FNBP4: variants seen among roughly 807,000 people sequenced by gnomAD.
The protein encoded by FNBP4 is formin-binding protein 4.
Under a neutral mutation model 119.3 loss-of-function variants are expected in FNBP4, and 34 were observed. That is an observed-to-expected ratio of 0.28 (90% confidence interval 0.22 to 0.38). FNBP4 has a LOEUF of 0.38. FNBP4 is among the 10% of genes least tolerant of loss of function. The pLI, the probability that FNBP4 is intolerant of heterozygous loss-of-function variation, is 1.00. For synonymous variants in FNBP4, 462 were observed against 430.6 expected (o/e 1.07, Z -0.90); for missense variants, 1,112 against 1,228.9 (o/e 0.90, Z 1.42).
intron 8 of FNBP4, 143 bp from the exon 9 acceptor site, chr11:47,736,883 A>T (rs969344638): frequency 1.2e-6 from 1 of 812,728 alleles, no homozygotes; most frequent in Admixed American, 3.0e-5. Flanking sequence ...AACTCTTCAA[A>T]CATGTCAGCC....
At chr11:47,734,369 T>C (rs1355394109) in intron 9 of FNBP4, among the ~76,000 whole-genome samples, 1 of 152,280 alleles carries the variant, frequency 6.6e-6, no homozygotes, top group Non-Finnish European at 1.5e-5. Context: ...TCACAATGCA[T>C]TTTAAAAATT....
chr11:47,765,486 G>T (rs2097645463), intron 1 of FNBP4, 124 bp from the exon 2 acceptor site: 2 of 553,678 alleles, frequency 3.6e-6, no homozygotes, highest in Admixed American at 7.2e-5. Flanking sequence ...TAACATTTCA[G>T]CTCTAGATTC....
At chr11:47,763,667 A>G (rs2097640838) in intron 2 of FNBP4, among the ~76,000 whole-genome samples, 2 of 151,628 alleles carry the variant, frequency 1.3e-5, no homozygotes, top group South Asian at 4.2e-4. Context: ...CGCCCAGCTA[A>G]TTTTCTGTAT....
At chr11:47,729,444 T>A in intron 12 of FNBP4, 1 of 985,302 alleles carries the variant, frequency 1.0e-6, no homozygotes, top group Non-Finnish European at 1.2e-6. Flanking sequence ...TGATTAAAAA[T>A]GACTTAGAAA....
At chr11:47,761,958 C>A (rs1399853655) in intron 2 of FNBP4, among the ~76,000 whole-genome samples, 1 of 151,654 alleles carries the variant, frequency 6.6e-6, no homozygotes, top group African/African-American at 2.4e-5. Context: ...CCTGCCTCAG[C>A]CTCCTAAGTA....
At chr11:47,742,762 C>T (rs1284420355) in intron 8 of FNBP4, among the ~76,000 whole-genome samples, 2 of 151,698 alleles carry the variant, frequency 1.3e-5, no homozygotes, top group South Asian at 2.1e-4. Context: ...TGGTGACGGG[C>T]GCCTGTAATC....
chr11:47,752,973 T>A lies in FNBP4; in HGVS notation c.580A>T (p.Thr194Ser), dbSNP rs377492740. 3.1e-6 allele frequency: 5 copies of A among 1,614,148 alleles called. No individual in the cohort carries two copies. The South Asian group carries it at 4.4e-5, about 14-fold the overall frequency. The change falls in exon 4 of 17, where the codon ACA becomes TCA. Residue 194 changes from threonine to serine, a missense_variant. Thr to Ser is a moderately conservative substitution (Grantham distance 58). This residue lies in a region of FNBP4 where 826 missense variants were observed against 988.8 expected (regional missense o/e 0.84). Coordinates refer to ENST00000263773, the MANE Select transcript of FNBP4 (RefSeq NM_015308.5). ...STLSSSTSNGTDSTQTSGWQY... is the reference protein window; with the variant it reads ...STLSSSTSNGSDSTQTSGWQY... ...CAACCAGATGTTTGGGTGGAGTCTGTTCCATTTGAAGTAGAAGAAGAAAGG... is the reference window on the plus strand; with the variant it reads ...CAACCAGATGTTTGGGTGGAGTCTGATCCATTTGAAGTAGAAGAAGAAAGG...
rs184342090 is a variant in FNBP4 at position 47,751,654 on chromosome 11, T to A, written c.638-364A>T. On this transcript the variant is annotated intron_variant, in intron 4 of 16. Transcript: ENST00000263773. ...TTAGAGTCACCTTTGAACACATTTT[T>A]TAAAAAAAAACAGTTTGGCCGGCTA... Among the ~76,000 whole-genome samples the A allele has an allele frequency of 1.1e-4, 17 of 151,964 alleles. No homozygotes were observed. The East Asian group carries it at 1.4e-3, about 12-fold the overall frequency.
chr11:47,731,057 G>A (rs2097566836), intron 12 of FNBP4, among the ~76,000 whole-genome samples: 1 of 152,152 alleles, frequency 6.6e-6, no homozygotes, highest in Non-Finnish European at 1.5e-5. Context: ...CAACTATCTA[G>A]TTCCTCAGCA....
chr11:47,727,607 G>A (rs2097562630), intron 12 of FNBP4, among the ~76,000 whole-genome samples: 1 of 151,936 alleles, frequency 6.6e-6, no homozygotes, highest in African/African-American at 2.4e-5. Flanking sequence ...CTCAAACTTT[G>A]TTATGAGGTC....
At chr11:47,728,004 G>A (rs1429195075) in intron 12 of FNBP4, among the ~76,000 whole-genome samples, 3 of 151,546 alleles carry the variant, frequency 2.0e-5, no homozygotes, top group East Asian at 3.9e-4. Context: ...TCAGCCTCCC[G>A]AGTAGCTAGG....
intron 12 of FNBP4, chr11:47,730,020 T>C (rs2097565609): frequency 3.1e-5 from 31 of 985,438 alleles, no homozygotes; most frequent in Non-Finnish European, 3.7e-5. Flanking sequence ...ATCAACTATG[T>C]GTGTCATAAA....
chr11:47,735,747 T>C (rs2135130146), intron 9 of FNBP4, among the ~76,000 whole-genome samples: 1 of 152,280 alleles, frequency 6.6e-6, no homozygotes, highest in African/African-American at 2.4e-5. Context: ...AGATTATTTT[T>C]ACTACTTGTT....
chr11:47,730,645 C>T (rs1223962099), intron 12 of FNBP4, among the ~76,000 whole-genome samples: 5 of 152,120 alleles, frequency 3.3e-5, no homozygotes, highest in Non-Finnish European at 7.4e-5. Flanking sequence ...CTTCATATGC[C>T]ATCAGTTTAA....
At chr11:47,729,761 C>CCA (rs2097565324) in intron 12 of FNBP4, 2 of 985,296 alleles carry the variant, frequency 2.0e-6, no homozygotes, top group Non-Finnish European at 2.4e-6. Context: ...CTGGTTTTAA[C>CCA]CACCACTGAG....
chr11:47,729,420 G>GA (rs1223282113), intron 12 of FNBP4: 6 of 985,142 alleles, frequency 6.1e-6, no homozygotes, highest in Non-Finnish European at 7.2e-6. Flanking sequence ...TTCAAACACT[G>GA]AAACAACAAA....
At chr11:47,759,935 A>G (rs1293024508) in intron 2 of FNBP4, among the ~76,000 whole-genome samples, 3 of 152,240 alleles carry the variant, frequency 2.0e-5, no homozygotes, top group Admixed American at 2.0e-4. Context: ...CCTGGGGAAC[A>G]AGAACAAAAC....
intron 8 of FNBP4, among the ~76,000 whole-genome samples, chr11:47,742,964 T>G (rs893110012): frequency 1.4e-5 from 2 of 147,644 alleles, no homozygotes; most frequent in African/African-American, 2.5e-5. Context: ...TGTATTGTTG[T>G]TTTTTTTTTG....
In FNBP4 at chr11:47,732,454, T is replaced by A; in HGVS notation, c.1820+83A>T. ...AGCTGCTCTCAGTCTCCAGACAGGC[T>A]GTCATGTCGTCAGATGGTGGTGATC... is the stretch of plus-strand genomic sequence containing the variant. On this transcript the variant is annotated intron_variant, in intron 11 of 16. Coordinates refer to ENST00000263773, the MANE Select transcript of FNBP4 (RefSeq NM_015308.5). The surrounding 1 kb of genome is among the most constrained non-coding windows in gnomAD (Gnocchi z 4.2). 1 of 1,589,846 alleles carries A rather than the reference T, an allele frequency of 6.3e-7. No individual in the cohort carries two copies. Among genetic ancestry groups the A allele is most frequent in the South Asian group, 1.1e-5 (1 of 87,504 alleles).
Sources: allele counts gnomAD v4.1 joint callset (sites outside exome capture counted in the v4.1 genomes callset), GRCh38; gene constraint gnomAD v4.1.1; regional missense constraint gnomAD v4.1.1; non-coding constraint Gnocchi (gnomAD v3.1); transcripts MANE v1.5; gene names NCBI Gene and HGNC (gene_info 2026-07-23, HGNC 2026-07-21).